EIF4G1: variants seen among roughly 807,000 people sequenced by gnomAD.
The protein encoded by EIF4G1 is eukaryotic translation initiation factor 4 gamma 1.
Under a neutral mutation model 187.8 loss-of-function variants are expected in EIF4G1, and 4 were observed. That is an observed-to-expected ratio of 0.02 (90% CI 0.01 to 0.05). EIF4G1 has a LOEUF of 0.05. EIF4G1 is among the 10% of genes least tolerant of loss of function. EIF4G1 has a pLI of 1.00. For missense variants in EIF4G1, 1,647 were observed against 2,081.1 expected (o/e 0.79, Z 4.06); for synonymous variants, 844 against 781.4 (o/e 1.08, Z -1.34).
At position 184,332,227 on chromosome 3, in the gene EIF4G1, C is replaced by G; in HGVS notation, c.4618+141C>G. On this transcript the variant is annotated intron_variant, in intron 32 of 32. Transcript: ENST00000346169. ...AAATGCCCTCTGGGTTTCATTCTTT[C>G]CTTTTACGTTTGTGTTGTGTTGTTC... 5 of 1,114,894 alleles carry G rather than the reference C, an allele frequency of 4.5e-6. No homozygotes were observed. The East Asian group carries it at 1.3e-4, about 28-fold the overall frequency. The allele number at this position is 1,114,894 out of a possible 1,614,324, so 69.1% of individuals were successfully genotyped here.
At chr3:184,322,133 G>A (rs767148063) in intron 10 of EIF4G1, 30 bp downstream of exon 10, 1 of 1,614,028 alleles carries the variant, frequency 6.2e-7, no homozygotes, top group East Asian at 2.2e-5. Context: ...TAGAGGTAGG[G>A]CGGGCTAGGG....
chr3:184,319,823 C>T (rs763037270), intron 7 of EIF4G1, 22 bp downstream of exon 7: 34 of 1,503,074 alleles, frequency 2.3e-5, no homozygotes, highest in Non-Finnish European at 2.6e-5. Context: ...TGAGGGGCTC[C>T]GGGACATCTG....
intron 28 of EIF4G1, among the ~76,000 whole-genome samples, chr3:184,330,464 CAAT>C (rs1725838081): frequency 6.6e-6 from 1 of 152,062 alleles, no homozygotes; most frequent in Admixed American, 6.5e-5. Context: ...CTGTGAACTG[CAAT>C]AATCTTGCTA....
intron 12 of EIF4G1, 40 bp from the exon 13 acceptor site, chr3:184,322,781 G>A: frequency 6.2e-7 from 1 of 1,614,242 alleles, no homozygotes; most frequent in South Asian, 1.1e-5. Context: ...ATTAGGGCCA[G>A]AGGAGGCAGT....
Position 184,332,013 on chromosome 3 carries a change from G to T in EIF4G1, c.4545G>T (p.Leu1515=), listed in dbSNP as rs1041925603. ...GAGCGAAGCTGCTGCAGAAATACCT[G>T]TGTGACGAGCAGAAGGAGCTACAGG... ...KARAKLLQKY[L]CDEQKELQAL... is the part of the protein sequence containing the mutation. Residue 1515 remains leucine (L), a synonymous_variant, in exon 32 of 33, where the codon CTG becomes CTT. Coordinates refer to ENST00000346169, the MANE Select transcript of EIF4G1 (RefSeq NM_198241.3). The T allele has an allele frequency of 1.2e-6, 2 of 1,614,232 alleles. No individual in the cohort carries two copies. The highest frequency in any genetic ancestry group is 3.3e-5 in the Admixed American group (2 of 60,032).
In EIF4G1 at chr3:184,331,523, C is replaced by T; in HGVS notation, c.4312C>T (p.Leu1438Phe). ...GTCGGAAGCCCCTGGCCAGAGGGCA[C>T]TCCCCTCCGAGGAGCTGAACAGGCA... Reference protein sequence around the residue: ...EESEAPGQRALPSEELNRQLE... With the variant: ...EESEAPGQRAFPSEELNRQLE... The change falls in exon 30 of 33, where the codon CTC becomes TTC. Residue 1438 changes from leucine to phenylalanine, a missense_variant. Physicochemically the swap from Leu to Phe is conservative, Grantham distance 22 (BLOSUM62 0). This residue lies in a region of EIF4G1 where 543 missense variants were observed against 638.0 expected (regional missense o/e 0.85). Coordinates refer to ENST00000346169, the MANE Select transcript of EIF4G1 (RefSeq NM_198241.3). 1.2e-6 allele frequency: 2 copies of T among 1,614,170 alleles called. No homozygotes were observed. The highest frequency in any genetic ancestry group is 1.7e-6 in the Non-Finnish European group (2 of 1,180,040).
Position 184,322,679 on chromosome 3 carries a change from C to A in EIF4G1, c.1744C>A (p.His582Asn). 1 of 1,614,194 alleles carries A rather than the reference C, an allele frequency of 6.2e-7. No individual in the cohort carries two copies. The highest frequency in any genetic ancestry group is 8.5e-7 in the Non-Finnish European group (1 of 1,180,046). ...ETWDSKEDKI[H>N]NAENIQPGEQ... is the part of the protein sequence containing the mutation. ...CTGGGACTCAAAGGAAGACAAAATTCACAATGCTGAGAACATCCAGCCCGG... is the reference window on the plus strand; with the variant it reads ...CTGGGACTCAAAGGAAGACAAAATTAACAATGCTGAGAACATCCAGCCCGG... The change falls in exon 12 of 33, where the codon CAC becomes AAC. Residue 582 changes from histidine (H) to asparagine (N), a missense_variant. This residue lies in a region of EIF4G1 where 522 missense variants were observed against 485.2 expected (regional missense o/e 1.08). Coordinates refer to ENST00000346169, the MANE Select transcript of EIF4G1 (RefSeq NM_198241.3).
intron 26 of EIF4G1, 22 bp downstream of exon 26, chr3:184,328,024 C>T (rs749574241): frequency 1.2e-6 from 2 of 1,600,692 alleles, no homozygotes; most frequent in Non-Finnish European, 1.7e-6. Context: ...TTCTCTGGGC[C>T]TCCCACTTAT....
In EIF4G1 at chr3:184,327,850, G is replaced by T; in HGVS notation, c.3801G>T (p.Gln1267His). ...NDMKEAVQCVQELASPSLLFI... is the reference protein window; with the variant it reads ...NDMKEAVQCVHELASPSLLFI... ...CTCAGGAGGCAGTCCAGTGCGTGCA[G>T]GAGCTGGCCTCACCCTCCTTGCTCT... Residue 1267 changes from glutamine (Q) to histidine (H), a missense_variant, in exon 26 of 33, where the codon CAG becomes CAT. Physicochemically the swap from Gln to His is conservative, Grantham distance 24 (BLOSUM62 0). This residue lies in a region of EIF4G1 where 543 missense variants were observed against 638.0 expected (regional missense o/e 0.85). Coordinates refer to ENST00000346169, the MANE Select transcript of EIF4G1 (RefSeq NM_198241.3). The T allele has an allele frequency of 6.2e-7, 1 of 1,614,052 alleles. No homozygotes were observed.
chr3:184,325,023 A>C lies in EIF4G1; in HGVS notation c.2765A>C (p.Lys922Thr). The change falls in exon 18 of 33, where the codon AAA becomes ACA. Residue 922 changes from lysine (K) to threonine (T), a missense_variant. Coordinates refer to ENST00000346169, the MANE Select transcript of EIF4G1 (RefSeq NM_198241.3). This position sits in a 1 kb window ranked among gnomAD's most constrained non-coding sequence, Gnocchi z 5.2. Reference sequence around the variant, plus strand: ...GCAATAATGCATGACTGTGTGGTCAAACTGCTTAAGAACCATGATGAAGAG... The same window carrying C: ...GCAATAATGCATGACTGTGTGGTCACACTGCTTAAGAACCATGATGAAGAG... ...TEAIMHDCVVKLLKNHDEESL... is the reference protein window; with the variant it reads ...TEAIMHDCVVTLLKNHDEESL... 1 of 1,614,242 alleles carries C rather than the reference A, an allele frequency of 6.2e-7. No individual in the cohort carries two copies. Among genetic ancestry groups the C allele is most frequent in the Non-Finnish European group, 8.5e-7 (1 of 1,180,050 alleles).
chr3:184,315,367 G>T, intron 1 of EIF4G1, 122 bp from the exon 2 acceptor site: 1 of 522,552 alleles, frequency 1.9e-6, no homozygotes, highest in East Asian at 5.4e-5. Flanking sequence ...GGGACGCCAC[G>T]GCCGAAGCAG....
At chr3:184,317,538 A>G in intron 5 of EIF4G1, 41 bp downstream of exon 5, 1 of 1,611,186 alleles carries the variant, frequency 6.2e-7, no homozygotes, top group East Asian at 2.2e-5. Flanking sequence ...ACAGACCCCT[A>G]TACCTCTCAC....
At chr3:184,330,488 C>T (rs1362425910) in intron 28 of EIF4G1, among the ~76,000 whole-genome samples, 1 of 152,158 alleles carries the variant, frequency 6.6e-6, no homozygotes, top group African/African-American at 2.4e-5. Flanking sequence ...AGAGCCAGTG[C>T]CATTAGTCTG....
chr3:184,321,435 C>G lies in EIF4G1; in HGVS notation c.851C>G (p.Ser284Cys), dbSNP rs746291399. 20 of 1,614,028 alleles carry G rather than the reference C, an allele frequency of 1.2e-5. No homozygotes were observed. The highest frequency in any genetic ancestry group is 1.7e-5 in the Admixed American group (1 of 59,984). ...PGSEPNLAVL[S>C]IPGDTMTTIQ... Reference sequence around the variant, plus strand: ...TCTGAGCCTAATCTCGCAGTCCTCTCTATTCCTGGGGACACTATGACAACT... The same window carrying G: ...TCTGAGCCTAATCTCGCAGTCCTCTGTATTCCTGGGGACACTATGACAACT... The change falls in exon 10 of 33, where the codon TCT (serine) becomes TGT (cysteine). Residue 284 changes from serine to cysteine, a missense_variant. Coordinates refer to ENST00000346169, the MANE Select transcript of EIF4G1 (RefSeq NM_198241.3).
intron 1 of EIF4G1, 60 bp from the exon 2 acceptor site, chr3:184,315,429 C>T (rs1455969700): frequency 1.8e-6 from 1 of 555,144 alleles, no homozygotes; most frequent in Non-Finnish European, 3.5e-6. Context: ...CTGGAATTTC[C>T]GGTCTGGTTG....
At chr3:184,326,094 G>C (rs1051673511) in intron 21 of EIF4G1, 143 bp downstream of exon 21, 2 of 833,888 alleles carry the variant, frequency 2.4e-6, no homozygotes, top group Admixed American at 4.0e-5. Context: ...GCCAGCTGTA[G>C]AGGGAGGGTG....
At chr3:184,326,657 G>A in intron 22 of EIF4G1, 28 bp downstream of exon 22, 1 of 1,604,812 alleles carries the variant, frequency 6.2e-7, no homozygotes, top group Non-Finnish European at 8.5e-7. Context: ...GGAGCTGGGT[G>A]GTTACCCGTC....
rs536804820 is a variant in EIF4G1, at chr3:184,317,663, A to G, written c.325-54A>G. ...ACCTATGTTCTTTTTGGAGTCTGAT[A>G]TGGAACTCATAGCTCCCTCAACTCC... On this transcript the variant is annotated intron_variant, in intron 5 of 32. Transcript: ENST00000346169. The G allele has an allele frequency of 5.8e-6, 9 of 1,553,858 alleles. No homozygotes were observed. In the East Asian group the frequency reaches 2.0e-4, roughly 35 times the overall value.
intron 31 of EIF4G1, 62 bp from the exon 32 acceptor site, chr3:184,331,884 G>A (rs1240552996): frequency 6.2e-7 from 1 of 1,613,948 alleles, no homozygotes; most frequent in East Asian, 2.2e-5. Context: ...TGTCAGCCTT[G>A]GCCTCCCAGT....
Sources: allele counts gnomAD v4.1 joint callset (sites outside exome capture counted in the v4.1 genomes callset), GRCh38; gene constraint gnomAD v4.1.1; regional missense constraint gnomAD v4.1.1; non-coding constraint Gnocchi (gnomAD v3.1); transcripts MANE v1.5; gene names NCBI Gene and HGNC (gene_info 2026-07-23, HGNC 2026-07-21).